The following APBB2 variants were observed in gnomAD, a reference collection of about 807,000 sequenced individuals.
The protein encoded by APBB2 is Fe65-like 1.
In APBB2, 38 loss-of-function variants were observed where a neutral mutation model predicts 82.5. The observed-to-expected ratio is 0.46, with a 90% CI of 0.36 to 0.60. APBB2 has a LOEUF of 0.60. Ranked by LOEUF, APBB2 falls within the 20% of genes least tolerant of loss-of-function variation. The pLI is 0.00. For synonymous variants in APBB2, 341 were observed against 368.2 expected (o/e 0.93, Z 0.85); for missense variants, 772 against 972.3 (o/e 0.79, Z 2.74).
At chr4:40,956,849 A>G (rs1791757288) in intron 6 of APBB2, among the ~76,000 whole-genome samples, 1 of 152,150 alleles carries the variant, frequency 6.6e-6, no homozygotes, top group Non-Finnish European at 1.5e-5. Context: ...GTCTATTTTT[A>G]TCAAGCATGT....
intron 10 of APBB2, among the ~76,000 whole-genome samples, chr4:40,907,591 G>T (rs901398314): frequency 2.0e-5 from 3 of 149,132 alleles, no homozygotes; most frequent in African/African-American, 7.4e-5. Flanking sequence ...GGCTGGTCTT[G>T]AATTCCTGAC....
At chr4:40,914,740 C>T (rs1256283487) in intron 10 of APBB2, among the ~76,000 whole-genome samples, 10 of 152,106 alleles carry the variant, frequency 6.6e-5, no homozygotes, top group African/African-American at 2.4e-4. Context: ...TTGCTGGTGA[C>T]TTTATAGAAT....
chr4:41,017,240 G>A (rs1450997274), intron 5 of APBB2, among the ~76,000 whole-genome samples: 2 of 152,194 alleles, frequency 1.3e-5, no homozygotes, highest in Non-Finnish European at 2.9e-5. Flanking sequence ...CACAGTTTGA[G>A]TAATATCTTA....
chr4:41,131,641 T>A (rs1258138686), intron 2 of APBB2, among the ~76,000 whole-genome samples: 4 of 152,160 alleles, frequency 2.6e-5, no homozygotes, highest in Non-Finnish European at 5.9e-5. Flanking sequence ...ATGGCAAAAA[T>A]AAACATTACT....
chr4:40,853,915 T>G (rs952271109), intron 12 of APBB2, among the ~76,000 whole-genome samples: 16 of 152,172 alleles, frequency 1.1e-4, no homozygotes, highest in Non-Finnish European at 2.1e-4. Context: ...TTCAAGACAC[T>G]CGGCATAACC....
intron 6 of APBB2, among the ~76,000 whole-genome samples, chr4:41,007,990 G>C (rs976895858): frequency 6.6e-6 from 1 of 152,294 alleles, no homozygotes; most frequent in South Asian, 2.1e-4. Context: ...CAGCTCGGAG[G>C]GTCTAGAAAG....
At chr4:41,109,270 C>G (rs543370843) in intron 2 of APBB2, among the ~76,000 whole-genome samples, 1 of 149,874 alleles carries the variant, frequency 6.7e-6, no homozygotes, top group East Asian at 2.0e-4. Context: ...TCTCTCTACA[C>G]TAAAAAAAGA....
chr4:40,918,411 T>C (rs13122759), intron 10 of APBB2, among the ~76,000 whole-genome samples: 42,210 of 152,246 alleles, frequency 0.28, 6,245 homozygotes, highest in South Asian at 0.34. Context: ...GTCCCCAGTA[T>C]TAACTTTTTA....
intron 10 of APBB2, among the ~76,000 whole-genome samples, chr4:40,921,447 GCACACGGCTGGA>G (rs1387686872): frequency 6.6e-6 from 1 of 152,204 alleles, no homozygotes; most frequent in African/African-American, 2.4e-5. Flanking sequence ...AGAGCGACCA[GCACACGGCTGGA>G]CCTGAAGAAA....
At chr4:41,119,291 G>T (rs1752073039) in intron 2 of APBB2, among the ~76,000 whole-genome samples, 2 of 152,154 alleles carry the variant, frequency 1.3e-5, no homozygotes, top group African/African-American at 2.4e-5. Flanking sequence ...GGGGCCGACT[G>T]GGGGAGTGAG....
At chr4:40,998,725 C>G (rs1804312467) in intron 6 of APBB2, among the ~76,000 whole-genome samples, 1 of 152,168 alleles carries the variant, frequency 6.6e-6, no homozygotes, top group African/African-American at 2.4e-5. Flanking sequence ...TTTGGCATAT[C>G]TAAATTGCCA....
chr4:40,874,678 A>C (rs1255263304), intron 12 of APBB2, among the ~76,000 whole-genome samples: 1 of 152,184 alleles, frequency 6.6e-6, no homozygotes, highest in Non-Finnish European at 1.5e-5. Flanking sequence ...GAAGCCAATA[A>C]TATGTCTTCT....
chr4:41,056,356 C>T (rs1005797978), intron 4 of APBB2, among the ~76,000 whole-genome samples: 2 of 152,120 alleles, frequency 1.3e-5, no homozygotes, highest in African/African-American at 4.8e-5. Flanking sequence ...CCTTCAAATC[C>T]CACCCAGGAG....
intron 4 of APBB2, among the ~76,000 whole-genome samples, chr4:41,064,129 C>T (rs1371168487): frequency 6.6e-6 from 1 of 151,922 alleles, no homozygotes; most frequent in Non-Finnish European, 1.5e-5. Flanking sequence ...CAGGCACCCG[C>T]CCCCACACCT....
intron 3 of APBB2, among the ~76,000 whole-genome samples, chr4:41,099,941 T>G (rs897932202): frequency 6.6e-6 from 1 of 152,052 alleles, no homozygotes; most frequent in Non-Finnish European, 1.5e-5. Flanking sequence ...CCAAGCAGTA[T>G]CCATTAAAAA....
At chr4:41,032,507 G>A (rs1033994367) in intron 5 of APBB2, among the ~76,000 whole-genome samples, 5 of 132,402 alleles carry the variant, frequency 3.8e-5, no homozygotes, top group East Asian at 2.0e-4. Context: ...TATTGGGGGC[G>A]GGGGGGGTTT....
intron 6 of APBB2, among the ~76,000 whole-genome samples, chr4:40,965,615 T>C (rs1794491592): frequency 6.6e-6 from 1 of 152,240 alleles, no homozygotes; most frequent in South Asian, 2.1e-4. Context: ...ATTTTTTATA[T>C]ATTGAGTTAA....
At chr4:41,114,816 T>C (rs1450951092) in intron 2 of APBB2, among the ~76,000 whole-genome samples, 1 of 152,002 alleles carries the variant, frequency 6.6e-6, no homozygotes, top group Non-Finnish European at 1.5e-5. Context: ...CTCAAGGAAA[T>C]AAGAGAGGAC....
intron 1 of APBB2, among the ~76,000 whole-genome samples, chr4:41,186,534 C>T (rs1465853578): frequency 1.3e-5 from 2 of 152,118 alleles, no homozygotes; most frequent in African/African-American, 4.8e-5. Flanking sequence ...ACTATGTCAA[C>T]AACTGTTTCA....
Sources: allele counts gnomAD v4.1 joint callset (sites outside exome capture counted in the v4.1 genomes callset), GRCh38; gene constraint gnomAD v4.1.1; transcripts MANE v1.5; gene names NCBI Gene and HGNC (gene_info 2026-07-23, HGNC 2026-07-21).